Variants in TPRG1 observed in about 807,000 individuals in gnomAD.
TPRG1 encodes tumor protein p63-regulated gene 1 protein.
Under a neutral mutation model 29.3 loss-of-function variants are expected in TPRG1, and 29 were observed. The observed-to-expected ratio is 0.99, with a 90% confidence interval of 0.74 to 1.35. The LOEUF is 1.35. Ranked by LOEUF, TPRG1 falls within the 40% of genes most tolerant of loss-of-function variation. TPRG1 has a pLI of 0.00. For missense variants in TPRG1, 327 were observed against 335.0 expected, an observed-to-expected ratio of 0.98 and a Z score of 0.19; for synonymous variants, 130 against 116.8, an observed-to-expected ratio of 1.11 and a Z score of -0.73.
intron 5 of TPRG1, among the ~76,000 whole-genome samples, chr3:189,161,039 C>G (rs1357810614): frequency 6.6e-6 from 1 of 152,196 alleles, no homozygotes; most frequent in East Asian, 1.9e-4. Context: ...CATTGTATTC[C>G]TTCCTTGTGA....
chr3:189,038,636 A>T (rs1714436376), intron 4 of TPRG1, among the ~76,000 whole-genome samples: 1 of 152,144 alleles, frequency 6.6e-6, no homozygotes. Flanking sequence ...ATACATAATA[A>T]TTATGAATTT....
At chr3:189,215,520 G>T (rs1173496786) in intron 3 of TPRG1, 137 bp downstream of exon 3, 3 of 783,064 alleles carry the variant, frequency 3.8e-6, no homozygotes, top group Non-Finnish European at 4.1e-6. Flanking sequence ...TACCAGGTTA[G>T]TCACATTTTC....
At chr3:189,172,363 T>C (rs1256098284) in intron 1 of TPRG1, among the ~76,000 whole-genome samples, 3 of 152,198 alleles carry the variant, frequency 2.0e-5, no homozygotes, top group Admixed American at 6.5e-5. Flanking sequence ...CTTGACATAC[T>C]TATCTATATA....
intron 4 of TPRG1, among the ~76,000 whole-genome samples, chr3:189,088,968 ATATCTATCTATCTATCTATC>A (rs36139441): frequency 0.018 from 2,614 of 148,986 alleles, 82 homozygotes; most frequent in African/African-American, 0.061. Context: ...GTATCTATTG[ATATCTATCTATCTATCTATC>A]TATCTATCTA....
At chr3:189,162,048 A>T (rs1245855884) in intron 5 of TPRG1, among the ~76,000 whole-genome samples, 8 of 152,102 alleles carry the variant, frequency 5.3e-5, no homozygotes, top group African/African-American at 1.9e-4. Flanking sequence ...GCTGGAGTGC[A>T]GTCGTGTGAT....
intron 4 of TPRG1, among the ~76,000 whole-genome samples, chr3:189,074,873 G>C (rs1279495317): frequency 6.7e-6 from 1 of 148,560 alleles, no homozygotes; most frequent in Admixed American, 6.7e-5. Flanking sequence ...GTGCAGTGGC[G>C]CGATCTCCGC....
chr3:189,269,957 T>C (rs1204531090), intron 4 of TPRG1, among the ~76,000 whole-genome samples: 7 of 152,294 alleles, frequency 4.6e-5, no homozygotes, highest in Non-Finnish European at 7.3e-5. Context: ...TGAGTAGATA[T>C]AGAGTTTTGA....
In TPRG1 at chr3:189,274,100, G is replaced by A. The variant is rs532977262; in HGVS notation, c.479+35191G>A. On this transcript the variant is annotated intron_variant, in intron 4 of 5. Coordinates refer to ENST00000345063, the MANE Select transcript of TPRG1 (RefSeq NM_198485.4). ...CAAATTCTTTATCTTTTAACTTCTCGGAACCCAGATTTTTTTTTTTTTCAC... is the reference window on the plus strand; with the variant it reads ...CAAATTCTTTATCTTTTAACTTCTCAGAACCCAGATTTTTTTTTTTTTCAC... Among the ~76,000 whole-genome samples the A allele has an allele frequency of 3.8e-4, 55 of 145,020 alleles. 1 individual carries two copies. The highest frequency in any genetic ancestry group is 1.3e-3 in the South Asian group (6 of 4,660).
intron 5 of TPRG1, among the ~76,000 whole-genome samples, chr3:189,312,022 G>A (rs569950171): frequency 1.3e-5 from 2 of 152,078 alleles, no homozygotes; most frequent in African/African-American, 4.8e-5. Context: ...TTAATGCATT[G>A]TTCCATAATC....
chr3:189,307,968 A>G lies in TPRG1; in HGVS notation c.480-2418A>G, dbSNP rs570075451. 2.0e-5 allele frequency among the ~76,000 whole-genome samples: 3 copies of G among 152,244 alleles called. No individual in the cohort carries two copies. In the South Asian group the frequency reaches 6.2e-4, roughly 32 times the overall value. ...AGGACTTGTTCTGCTCAGTGGGGCTAATTAGATGCTTCTGAACTAGAGAAT... is the reference window on the plus strand; with the variant it reads ...AGGACTTGTTCTGCTCAGTGGGGCTGATTAGATGCTTCTGAACTAGAGAAT... On this transcript the variant is annotated intron_variant, in intron 4 of 5. Coordinates refer to ENST00000345063, the MANE Select transcript of TPRG1 (RefSeq NM_198485.4).
intron 1 of TPRG1, among the ~76,000 whole-genome samples, chr3:189,195,655 C>G (rs1198764651): frequency 6.6e-6 from 1 of 152,200 alleles, no homozygotes; most frequent in African/African-American, 2.4e-5. Flanking sequence ...CCAGTCAGCT[C>G]CCACAGCTGG....
At chr3:189,106,295 C>G (rs549290989) in intron 1 of TPRG1, among the ~76,000 whole-genome samples, 2 of 152,102 alleles carry the variant, frequency 1.3e-5, no homozygotes, top group Admixed American at 6.6e-5. Flanking sequence ...CCCCTTCCCC[C>G]ACCCTGGGAA....
At chr3:189,039,738 G>GT (rs1189535579) in intron 4 of TPRG1, among the ~76,000 whole-genome samples, 1 of 151,974 alleles carries the variant, frequency 6.6e-6, no homozygotes, top group Non-Finnish European at 1.5e-5. Flanking sequence ...ATGTACACTT[G>GT]TTTTTTTGTC....
chr3:189,133,945 C>G (rs1723406941), intron 3 of TPRG1, among the ~76,000 whole-genome samples: 1 of 152,162 alleles, frequency 6.6e-6, no homozygotes, highest in African/African-American at 2.4e-5. Context: ...GTTGACACAA[C>G]AAAAGAAAGT....
At chr3:189,207,008 TTAAA>T (rs896111383) in intron 1 of TPRG1, among the ~76,000 whole-genome samples, 2 of 152,242 alleles carry the variant, frequency 1.3e-5, no homozygotes, top group African/African-American at 4.8e-5. Context: ...CTTTTAACTC[TTAAA>T]TAAGCTTGCA....
At chr3:189,152,328 A>G (rs1726040421) in intron 5 of TPRG1, among the ~76,000 whole-genome samples, 1 of 152,188 alleles carries the variant, frequency 6.6e-6, no homozygotes, top group Non-Finnish European at 1.5e-5. Flanking sequence ...CTCTTGGGCC[A>G]TGGGCACTTC....
intron 3 of TPRG1, among the ~76,000 whole-genome samples, chr3:189,015,092 A>G (rs1276815572): frequency 1.3e-5 from 2 of 152,166 alleles, no homozygotes; most frequent in African/African-American, 4.8e-5. Context: ...GGTAATAGTG[A>G]TATGGACAAG....
intron 4 of TPRG1, among the ~76,000 whole-genome samples, chr3:189,306,269 G>A (rs1721613361): frequency 1.3e-5 from 2 of 152,154 alleles, no homozygotes; most frequent in Non-Finnish European, 2.9e-5. Context: ...TAAGAAGTTA[G>A]GCTTATTCAG....
intron 3 of TPRG1, among the ~76,000 whole-genome samples, chr3:189,216,443 A>G (rs1286161197): frequency 1.3e-5 from 2 of 152,210 alleles, no homozygotes; most frequent in Non-Finnish European, 2.9e-5. Context: ...ATTGCTCACC[A>G]TTTTATACTA....
Sources: allele counts gnomAD v4.1 joint callset (sites outside exome capture counted in the v4.1 genomes callset), GRCh38; gene constraint gnomAD v4.1.1; transcripts MANE v1.5; gene names NCBI Gene and HGNC (gene_info 2026-07-23, HGNC 2026-07-21).